Variants in NIPSNAP3B observed in about 807,000 individuals in gnomAD.
NIPSNAP3B encodes nipsnap homolog 3B.
Under a neutral mutation model 31.5 loss-of-function variants are expected in NIPSNAP3B, and 30 were observed. The ratio of observed to expected loss-of-function variants is 0.95; its 90% confidence interval spans 0.71 to 1.29. The LOEUF is 1.29. Ranked by LOEUF, NIPSNAP3B falls within the 50% of genes most tolerant of loss-of-function variation. The probability of loss-of-function intolerance (pLI) is 0.00; values close to 1 mark genes in which losing one functional copy is unlikely to be tolerated. For missense variants in NIPSNAP3B, 269 were observed against 300.7 expected, an observed-to-expected ratio of 0.89 and a Z score of 0.78; for synonymous variants, 106 against 107.9, an observed-to-expected ratio of 0.98 and a Z score of 0.11.
At chr9:104,785,330 G>A in the NIPSNAP3B span, 7 of 1,600,474 alleles carry the variant, frequency 4.4e-6, no homozygotes, top group Non-Finnish European at 6.0e-6. Flanking sequence ...TGGACCTATG[G>A]GCGGGAGTGT....
At chr9:104,786,943 G>T in the NIPSNAP3B span, 5 of 1,614,014 alleles carry the variant, frequency 3.1e-6, no homozygotes, top group Non-Finnish European at 4.2e-6. Context: ...AAGAACCGCC[G>T]GGCTTTGGGA....
rs1828350785 is a variant in NIPSNAP3B, at chr9:104,776,988, T to C, written c.*3915T>C. The C allele has an allele frequency of 2.0e-5, 3 of 152,204 alleles. No individual in the cohort carries two copies. In the South Asian group the frequency reaches 6.2e-4, roughly 32 times the overall value. 9.4% of individuals were successfully genotyped at this position (152,204 alleles called of 1,614,324 possible). A position where few individuals can be genotyped will look rare whatever the true frequency, so the allele number is the denominator to read the frequency against. ...GTGCCTCACTACTCCATTTGGAAAG[T>C]ATTCCTGGAATACACGATGAATGAC... On this transcript the variant is annotated 3_prime_UTR_variant, in exon 6 of 6. Transcript: ENST00000374762.
Position 104,770,910 on chromosome 9 carries a change from A to C in NIPSNAP3B, c.492A>C (p.Ala164=), listed in dbSNP as rs1394525535. 1 of 1,613,936 alleles carries C rather than the reference A, an allele frequency of 6.2e-7. No individual in the cohort carries two copies. Among genetic ancestry groups the C allele is most frequent in the Non-Finnish European group, 8.5e-7 (1 of 1,179,826 alleles). The change falls in exon 4 of 6, where the codon GCA becomes GCC. Residue 164 remains alanine (A), a synonymous_variant. Coordinates refer to ENST00000374762, the MANE Select transcript of NIPSNAP3B (RefSeq NM_018376.4). ...GTGGGCCAGCTCTGTGGGGTGATGC[A>C]TTTGAAAGAGCAATTAATGCCCATG... is the stretch of plus-strand genomic sequence containing the variant. ...KPGGPALWGD[A]FERAINAHVN...
At position 104,773,584 on chromosome 9, in the gene NIPSNAP3B, A is replaced by G. The variant is rs1828272828; in HGVS notation, c.*511A>G. 1 of 152,486 alleles carries G rather than the reference A, an allele frequency of 6.6e-6. No individual in the cohort carries two copies. The highest frequency in any genetic ancestry group is 6.5e-5 in the Admixed American group (1 of 15,300). The allele number at this position is 152,486 out of a possible 1,614,324, so 9.4% of individuals were successfully genotyped here. A position where few individuals can be genotyped will look rare whatever the true frequency, so the allele number is the denominator to read the frequency against. On this transcript the variant is annotated 3_prime_UTR_variant, in exon 6 of 6. Transcript: ENST00000374762. ...TTATTTCTTTACTGTGGAAAAGTACAATGTCATCTGTATTAATTATTGCTT... is the reference window on the plus strand; with the variant it reads ...TTATTTCTTTACTGTGGAAAAGTACGATGTCATCTGTATTAATTATTGCTT...
chr9:104,786,013 T>C, the NIPSNAP3B span, among the ~76,000 whole-genome samples: 10 of 152,046 alleles, frequency 6.6e-5, no homozygotes, highest in Non-Finnish European at 1.5e-4. Context: ...TACTGGCACA[T>C]GTAAATTTTT....
At chr9:104,767,326 C>T (rs1038193355) in intron 2 of NIPSNAP3B, among the ~76,000 whole-genome samples, 1 of 152,014 alleles carries the variant, frequency 6.6e-6, no homozygotes, top group Admixed American at 6.5e-5. Context: ...ACAGTCCTTC[C>T]CATATTGAAG....
downstream of NIPSNAP3B, among the ~76,000 whole-genome samples, chr9:104,780,068 A>G (rs1828439311): frequency 6.6e-6 from 1 of 152,204 alleles, no homozygotes; most frequent in Non-Finnish European, 1.5e-5. Context: ...CCTCATGGGT[A>G]ACATATTTTC....
chr9:104,790,024 A>C, the NIPSNAP3B span, among the ~76,000 whole-genome samples: 3 of 151,634 alleles, frequency 2.0e-5, no homozygotes, highest in Non-Finnish European at 4.4e-5. Flanking sequence ...TGAACCTGGG[A>C]GGCGGAGGTT....
In NIPSNAP3B at chr9:104,764,236, G is replaced by A; in HGVS notation, c.-5G>A. The A allele has an allele frequency of 1.2e-6, 2 of 1,601,142 alleles. No homozygotes were observed. Among genetic ancestry groups the A allele is most frequent in the Non-Finnish European group, 1.7e-6 (2 of 1,175,656 alleles). ...GGCTGCTTTTCTCAGTGCCGAAGCC[G>A]CGCCATGCTCGTTCTCAGAAGCGGC... On this transcript the variant is annotated 5_prime_UTR_variant, in exon 1 of 6. Coordinates refer to ENST00000374762, the MANE Select transcript of NIPSNAP3B (RefSeq NM_018376.4).
At chr9:104,788,239 G>C in the NIPSNAP3B span, among the ~76,000 whole-genome samples, 30 of 152,212 alleles carry the variant, frequency 2.0e-4, 1 homozygote, top group African/African-American at 7.0e-4. Flanking sequence ...CTCCCTCTCT[G>C]CCCACCCAGC....
the NIPSNAP3B span, among the ~76,000 whole-genome samples, chr9:104,789,101 C>A: frequency 4.6e-5 from 7 of 152,238 alleles, no homozygotes; most frequent in African/African-American, 1.7e-4. Flanking sequence ...AGACTGATGA[C>A]TGCACCTCAG....
At chr9:104,790,359 G>A in the NIPSNAP3B span, among the ~76,000 whole-genome samples, 1 of 151,986 alleles carries the variant, frequency 6.6e-6, no homozygotes, top group African/African-American at 2.4e-5. Flanking sequence ...AAACTAATGT[G>A]TCCAACATTT....
At chr9:104,785,442 C>G in the NIPSNAP3B span, 1 of 1,613,984 alleles carries the variant, frequency 6.2e-7, no homozygotes, top group Non-Finnish European at 8.5e-7. Flanking sequence ...TATGTGGAGT[C>G]GCTTTTTGCT....
chr9:104,787,741 G>A, the NIPSNAP3B span: 1 of 782,652 alleles, frequency 1.3e-6, no homozygotes, highest in Non-Finnish European at 1.5e-6. Flanking sequence ...TGCAGGCATG[G>A]TACAGCCACC....
At chr9:104,785,600 C>T in the NIPSNAP3B span, 2 of 1,614,052 alleles carry the variant, frequency 1.2e-6, no homozygotes, top group South Asian at 1.1e-5. Context: ...CCGGGTTGGA[C>T]CCTGCTATTC....
chr9:104,773,064 A>G lies in NIPSNAP3B; in HGVS notation c.735A>G (p.Pro245=), dbSNP rs747869885. ...TTCTGATTCCTGCATCATTTTCACC[A>G]TTGAAATAGTTTTCTACTGAAATAC... ...NMLLIPASFS[P]LK is the part of the protein sequence containing the mutation. The change falls in exon 6 of 6, where the codon CCA becomes CCG. Residue 245 remains proline, a synonymous_variant. Transcript: ENST00000374762. 8.7e-6 allele frequency: 14 copies of G among 1,613,760 alleles called. No homozygotes were observed. Among genetic ancestry groups the G allele is most frequent in the Admixed American group, 1.7e-5 (1 of 60,002 alleles).
the NIPSNAP3B span, among the ~76,000 whole-genome samples, chr9:104,789,370 T>C: frequency 3.3e-5 from 5 of 152,222 alleles, no homozygotes; most frequent in Admixed American, 3.3e-4. Flanking sequence ...AGGAAAGCAG[T>C]TGTGCAGCGC....
At chr9:104,772,787 A>G (rs1172871142) in intron 4 of NIPSNAP3B, 35 bp from the exon 5 acceptor site, 2 of 1,594,388 alleles carry the variant, frequency 1.3e-6, no homozygotes, top group East Asian at 2.2e-5. Flanking sequence ...CTATTGCCAT[A>G]TATTTCAGAA....
At chr9:104,784,647 CT>C in the NIPSNAP3B span, among the ~76,000 whole-genome samples, 50 of 152,188 alleles carry the variant, frequency 3.3e-4, no homozygotes, top group East Asian at 3.5e-3. Flanking sequence ...TAAAAATAGA[CT>C]TTTTTTCCCC....
Sources: allele counts gnomAD v4.1 joint callset (sites outside exome capture counted in the v4.1 genomes callset), GRCh38; gene constraint gnomAD v4.1.1; transcripts MANE v1.5; gene names NCBI Gene and HGNC (gene_info 2026-07-23, HGNC 2026-07-21).